METTL16: variants seen among roughly 807,000 people sequenced by gnomAD.
METTL16 encodes the protein RNA N(6)-adenosine-methyltransferase METTL16.
A neutral mutation model predicts 57.9 loss-of-function variants in METTL16; 19 were observed. The observed-to-expected ratio is 0.33, with a 90% CI of 0.23 to 0.48. METTL16 has a LOEUF of 0.48. METTL16 is among the 20% of genes least tolerant of loss of function. The probability of loss-of-function intolerance (pLI) is 0.99; values close to 1 mark genes in which losing one functional copy is unlikely to be tolerated. For synonymous variants in METTL16, 246 were observed against 255.6 expected (o/e 0.96, Z 0.36); for missense variants, 434 against 691.5 (o/e 0.63, Z 4.18).
intron 6 of METTL16, among the ~76,000 whole-genome samples, chr17:2,454,837 T>G (rs1210804948): frequency 1.3e-5 from 2 of 152,090 alleles, no homozygotes; most frequent in Non-Finnish European, 2.9e-5. Flanking sequence ...GTGCTAGGAT[T>G]ACAGGAGTGA....
intron 6 of METTL16, among the ~76,000 whole-genome samples, chr17:2,455,809 C>A (rs2067105953): frequency 1.3e-5 from 2 of 151,948 alleles, no homozygotes; most frequent in Admixed American, 6.6e-5. Context: ...TGGCAAAACC[C>A]CATCTCTACA....
At chr17:2,428,432 T>C (rs903158392) in intron 8 of METTL16, among the ~76,000 whole-genome samples, 1 of 145,196 alleles carries the variant, frequency 6.9e-6, no homozygotes, top group Non-Finnish European at 1.5e-5. Context: ...TGTAATGAAT[T>C]GAAAAATGTA....
chr17:2,480,927 G>A (rs2067301189), intron 2 of METTL16, among the ~76,000 whole-genome samples: 1 of 152,132 alleles, frequency 6.6e-6, no homozygotes, highest in South Asian at 2.1e-4. Context: ...ATTGGGCTGG[G>A]CACGGCAGCT....
chr17:2,467,795 T>G lies in METTL16; in HGVS notation c.551A>C (p.Asn184Thr), dbSNP rs2067212161. 1 of 1,613,914 alleles carries G rather than the reference T, an allele frequency of 6.2e-7. No individual in the cohort carries two copies. The highest frequency in any genetic ancestry group is 1.7e-5 in the Admixed American group (1 of 59,992). Reference sequence around the variant, plus strand: ...CAATTGATTGGCAAAAAAGGGAGGGTTGCACATGCAAAAGTCATAGATTAT... The same window carrying G: ...CAATTGATTGGCAAAAAAGGGAGGGGTGCACATGCAAAAGTCATAGATTAT... ...SEIIYDFCMC[N>T]PPFFANQLEA... Residue 184 changes from asparagine to threonine, a missense_variant, in exon 5 of 10, where the codon AAC (asparagine) becomes ACC (threonine). By Grantham distance (65) the Asn-to-Thr change is moderately conservative (BLOSUM62 0). This residue lies in a region of METTL16 where 118 missense variants were observed against 280.0 expected (regional missense o/e 0.42). Coordinates refer to ENST00000263092, the MANE Select transcript of METTL16 (RefSeq NM_024086.4).
At chr17:2,464,067 G>C in intron 6 of METTL16, 141 bp downstream of exon 6, 4 of 769,966 alleles carry the variant, frequency 5.2e-6, no homozygotes, top group Non-Finnish European at 7.9e-6. Context: ...AGGTTGCAGT[G>C]AGCTGAGATC....
At chr17:2,498,859 G>A (rs2067466062) in intron 2 of METTL16, among the ~76,000 whole-genome samples, 1 of 151,488 alleles carries the variant, frequency 6.6e-6, no homozygotes, top group South Asian at 2.1e-4. Context: ...GCACCACAAA[G>A]TATAACCATC....
chr17:2,501,059 G>A (rs777301807), intron 2 of METTL16, among the ~76,000 whole-genome samples: 3 of 152,150 alleles, frequency 2.0e-5, no homozygotes, highest in Non-Finnish European at 4.4e-5. Context: ...AGAGGTTGCA[G>A]TGAGGCGAGA....
chr17:2,471,233 G>A (rs535702564), intron 4 of METTL16, among the ~76,000 whole-genome samples: 7 of 152,094 alleles, frequency 4.6e-5, no homozygotes, highest in African/African-American at 1.2e-4. Flanking sequence ...GTGCAGCGTC[G>A]CAATCTCAGC....
chr17:2,500,893 G>A (rs1002760050), intron 2 of METTL16, among the ~76,000 whole-genome samples: 2 of 152,114 alleles, frequency 1.3e-5, no homozygotes, highest in African/African-American at 4.8e-5. Flanking sequence ...AAGGCGGGCG[G>A]ATCACCTGAG....
intron 6 of METTL16, among the ~76,000 whole-genome samples, chr17:2,450,474 G>T (rs182579575): frequency 1.4e-3 from 216 of 152,306 alleles, no homozygotes; most frequent in Non-Finnish European, 2.6e-3. Context: ...AGGGGAACAG[G>T]AAACTTTTCA....
In METTL16 at chr17:2,418,798, G is replaced by A. The variant is rs1002110024; in HGVS notation, c.*1172C>T. ...AGGCTGGCTTAACTACTCAGCCCCAGTCTTCTTAGCAGATGGCAAGGAGCT... is the reference window on the plus strand; with the variant it reads ...AGGCTGGCTTAACTACTCAGCCCCAATCTTCTTAGCAGATGGCAAGGAGCT... On this transcript the variant is annotated 3_prime_UTR_variant, in exon 10 of 10. Coordinates refer to ENST00000263092, the MANE Select transcript of METTL16 (RefSeq NM_024086.4). 1 of 152,298 alleles carries A rather than the reference G, an allele frequency of 6.6e-6. No homozygotes were observed. The highest frequency in any genetic ancestry group is 2.4e-5 in the African/African-American group (1 of 41,458). 9.4% of individuals were successfully genotyped at this position (152,298 alleles called of 1,614,324 possible).
chr17:2,442,067 G>C (rs2066956662), intron 6 of METTL16, among the ~76,000 whole-genome samples: 1 of 152,142 alleles, frequency 6.6e-6, no homozygotes, highest in Non-Finnish European at 1.5e-5. Context: ...TCCAGAAGAA[G>C]GAATGTGGAG....
chr17:2,432,932 CCTGTTCTATGTAAAGCCAGACAGG>C (rs1469528113), intron 8 of METTL16, among the ~76,000 whole-genome samples: 1 of 152,176 alleles, frequency 6.6e-6, no homozygotes, highest in Admixed American at 6.6e-5. Flanking sequence ...AGTTAAGTAG[CCTGTTCTATGTAAAGCCAGACAGG>C]GACCAGCTCA....
chr17:2,422,889 A>T (rs561069371), intron 8 of METTL16, among the ~76,000 whole-genome samples: 14 of 152,042 alleles, frequency 9.2e-5, no homozygotes, highest in Non-Finnish European at 1.8e-4. Flanking sequence ...AGGCTGAGGC[A>T]GGAGAATCAC....
intron 8 of METTL16, among the ~76,000 whole-genome samples, chr17:2,432,225 CAGGTGTG>C (rs1230622377): frequency 6.6e-6 from 1 of 152,186 alleles, no homozygotes; most frequent in Non-Finnish European, 1.5e-5. Context: ...GCTGGGATTA[CAGGTGTG>C]AGCCACCACG....
intron 1 of METTL16, among the ~76,000 whole-genome samples, chr17:2,505,213 C>G (rs1044166380): frequency 5.9e-5 from 9 of 151,384 alleles, no homozygotes; most frequent in African/African-American, 2.2e-4. Flanking sequence ...TTCTTAATAT[C>G]TTTATTTTTT....
At chr17:2,440,482 C>T (rs796919451) in intron 7 of METTL16, among the ~76,000 whole-genome samples, 6 of 152,158 alleles carry the variant, frequency 3.9e-5, no homozygotes, top group African/African-American at 1.4e-4. Context: ...CTCTTGACCT[C>T]ATGATCCGCC....
At chr17:2,423,827 G>A (rs776412063) in intron 8 of METTL16, among the ~76,000 whole-genome samples, 5 of 152,156 alleles carry the variant, frequency 3.3e-5, no homozygotes, top group Non-Finnish European at 4.4e-5. Context: ...AAGTAAGGAC[G>A]GGCTTCATCA....
At position 2,489,812 on chromosome 17, in the gene METTL16, G is replaced by GA. The variant is rs1189482369; in HGVS notation, c.129-11928dup. On this transcript the variant is annotated intron_variant, in intron 2 of 9. Transcript: ENST00000263092. ...CCCTAAATTCAGTGAAGCTTAAAAA[G>GA]AAAGAAAAATAAGTCCAGTGATAAA... is the stretch of plus-strand genomic sequence containing the variant. Among the ~76,000 whole-genome samples, 10 of 140,992 alleles carry GA rather than the reference G, an allele frequency of 7.1e-5. No individual in the cohort carries two copies. In the Admixed American group the frequency reaches 7.2e-4, roughly 10 times the overall value. 92.5% of individuals were successfully genotyped at this position (140,992 alleles called of 152,430 possible).
Sources: gnomAD v4.1 joint callset for allele counts (sites outside exome capture counted in the v4.1 genomes callset) on GRCh38, gnomAD v4.1.1 for gene constraint, gnomAD v4.1.1 regional missense constraint, MANE v1.5 for transcripts, NCBI Gene and HGNC (gene_info 2026-07-23, HGNC 2026-07-21) for gene names.